Variants in CNPY1 observed in about 807,000 individuals in gnomAD.
CNPY1 encodes the protein canopy FGF signaling regulator 1, also known as protein canopy homolog 1.
Under a neutral mutation model 14.4 loss-of-function variants are expected in CNPY1, and 14 were observed. The observed-to-expected ratio is 0.97, with a 90% CI of 0.64 to 1.52. CNPY1 has a LOEUF of 1.52. Among genes scored for constraint, CNPY1 ranks in the 40% most tolerant of loss-of-function variants. The probability of loss-of-function intolerance (pLI) is 0.00; values close to 1 mark genes in which losing one functional copy is unlikely to be tolerated. For synonymous variants in CNPY1, 43 were observed against 46.5 expected (o/e 0.92, Z 0.31); for missense variants, 129 against 131.5 (o/e 0.98, Z 0.09).
intron 2 of CNPY1, among the ~76,000 whole-genome samples, chr7:155,545,160 G>T (rs1259835353): frequency 1.3e-5 from 2 of 152,212 alleles, no homozygotes; most frequent in Non-Finnish European, 2.9e-5. Context: ...GAGTGAGTTG[G>T]ATGATATTGG....
chr7:155,537,176 A>C (rs1230035793), intron 2 of CNPY1, among the ~76,000 whole-genome samples: 2 of 152,200 alleles, frequency 1.3e-5, no homozygotes, highest in African/African-American at 4.8e-5. Flanking sequence ...TCAGAAGAGC[A>C]GGTCCTTGGC....
At chr7:155,513,946 A>G (rs1036184363) in intron 2 of CNPY1, among the ~76,000 whole-genome samples, 4 of 152,236 alleles carry the variant, frequency 2.6e-5, no homozygotes, top group African/African-American at 2.4e-5. Context: ...AAGAAATACA[A>G]TCTGTCACAT....
chr7:155,542,081 C>T (rs752449523), intron 2 of CNPY1, among the ~76,000 whole-genome samples: 2 of 152,258 alleles, frequency 1.3e-5, no homozygotes, highest in South Asian at 2.1e-4. Context: ...TCCTAGAAGC[C>T]GGTGCAGAAC....
chr7:155,532,553 G>A (rs983532911), intron 2 of CNPY1, among the ~76,000 whole-genome samples: 17 of 151,928 alleles, frequency 1.1e-4, no homozygotes, highest in Non-Finnish European at 2.4e-4. Context: ...CCCGGGAGGC[G>A]GAGCTTGCAG....
At chr7:155,514,073 C>T (rs1315021826) in intron 2 of CNPY1, among the ~76,000 whole-genome samples, 1 of 152,200 alleles carries the variant, frequency 6.6e-6, no homozygotes, top group African/African-American at 2.4e-5. Context: ...CAGAGGGCTC[C>T]TACTGCTTTC....
intron 1 of CNPY1, 116 bp from the exon 2 acceptor site, chr7:155,546,059 C>T (rs1797153152): frequency 2.5e-6 from 1 of 397,956 alleles, no homozygotes. Flanking sequence ...CCGACGTGCC[C>T]AGGACCTGGG....
At chr7:155,535,120 A>C (rs1306233015) in intron 2 of CNPY1, among the ~76,000 whole-genome samples, 1 of 152,254 alleles carries the variant, frequency 6.6e-6, no homozygotes, top group African/African-American at 2.4e-5. Flanking sequence ...AAAACAAACA[A>C]GTGGCAAAAC....
intron 2 of CNPY1, among the ~76,000 whole-genome samples, chr7:155,524,411 A>G (rs1796782277): frequency 6.6e-6 from 1 of 152,244 alleles, no homozygotes; most frequent in Non-Finnish European, 1.5e-5. Context: ...GGTGAACAGC[A>G]GGCCAGTGAG....
At position 155,503,085 on chromosome 7, in the gene CNPY1, T is replaced by G. The variant is rs183641482; in HGVS notation, c.421A>C (p.Asn141His). Residue 141 changes from asparagine (N) to histidine (H), a missense_variant, in exon 5 of 5, where the codon AAT (asparagine) becomes CAT (histidine). Transcript: ENST00000636446. ...EKSDLCETSA[N>H]HTEL ...CGGCACTCCTAGAGCTCAGTATGAT[T>G]AGCAGAAGTTTCACACAGATCTGGA... The G allele has an allele frequency of 1.3e-4, 212 of 1,605,792 alleles. 2 individuals are homozygous for G. The East Asian group carries it at 3.9e-3, about 29-fold the overall frequency.
Position 155,545,861 on chromosome 7 carries a change from G to T in CNPY1, c.69C>A (p.Ile23=). 5.0e-6 allele frequency: 2 copies of T among 398,660 alleles called. No individual in the cohort carries two copies. The highest frequency in any genetic ancestry group is 8.8e-6 in the Non-Finnish European group (2 of 226,082). The allele number at this position is 398,660 out of a possible 1,614,324, so 24.7% of individuals were successfully genotyped here. The part of the protein sequence containing the change: ...QKKTKVGSFR[I]NPDGTQERRK... ...TCCTCTCCTGAGTCCCATCGGGATT[G>T]ATTCGGAAGGATCCCACCTTGGTCT... Residue 23 remains isoleucine (I), a synonymous_variant, in exon 2 of 5, where the codon ATC becomes ATA. Transcript: ENST00000636446.
At chr7:155,528,050 A>G (rs1402037080) in intron 2 of CNPY1, among the ~76,000 whole-genome samples, 1 of 152,192 alleles carries the variant, frequency 6.6e-6, no homozygotes, top group Non-Finnish European at 1.5e-5. Flanking sequence ...TTAATCCTGC[A>G]TCGTTGTAGA....
intron 2 of CNPY1, among the ~76,000 whole-genome samples, chr7:155,543,196 G>A (rs67067113): frequency 0.07 from 10,708 of 152,250 alleles, 487 homozygotes; most frequent in South Asian, 0.16. Context: ...TCTGTGGCCA[G>A]CCGGGCCGGG....
chr7:155,512,559 C>T (rs1228491229), intron 2 of CNPY1, among the ~76,000 whole-genome samples: 1 of 152,130 alleles, frequency 6.6e-6, no homozygotes, highest in Non-Finnish European at 1.5e-5. Flanking sequence ...AAGAGAAGAG[C>T]TAGGGAGTTT....
At chr7:155,531,875 G>T (rs1381852767) in intron 2 of CNPY1, among the ~76,000 whole-genome samples, 1 of 152,150 alleles carries the variant, frequency 6.6e-6, no homozygotes, top group Non-Finnish European at 1.5e-5. Context: ...AGCCACCTAA[G>T]CCCTGAGCCT....
In CNPY1 at chr7:155,509,049, C is replaced by A; in HGVS notation, c.148G>T (p.Val50Phe). The change falls in exon 3 of 5, where the codon GTC becomes TTC. Residue 50 changes from valine (V) to phenylalanine (F), a missense_variant. By Grantham distance (50) the Val-to-Phe change is conservative (BLOSUM62 -1). Transcript: ENST00000636446. ...TTGTAGTCGTTCATTCGCTCACAGA[C>A]TTTCTCCAAAAGATCCGTTAGGAAC... ...EAFLTDLLEK[V>F]CERMNDYKLE... The A allele has an allele frequency of 6.2e-7, 1 of 1,608,292 alleles. No homozygotes were observed. The highest frequency in any genetic ancestry group is 8.5e-7 in the Non-Finnish European group (1 of 1,178,470).
chr7:155,537,328 T>C (rs1166414539), intron 2 of CNPY1, among the ~76,000 whole-genome samples: 1 of 151,938 alleles, frequency 6.6e-6, no homozygotes, highest in Admixed American at 6.6e-5. Context: ...CATCGGTTCC[T>C]GAGGCTGCTC....
In CNPY1 at chr7:155,502,337, T is replaced by A. The variant is rs143133274; in HGVS notation, c.*731A>T. The A allele has an allele frequency of 3.0e-4, 45 of 152,254 alleles. No homozygotes were observed. Among genetic ancestry groups the A allele is most frequent in the African/African-American group, 1.1e-3 (44 of 41,548 alleles). 9.4% of individuals were successfully genotyped at this position (152,254 alleles called of 1,614,324 possible). ...GAAAAACAAACAAGCCAGAAGAGTT[T>A]GGAGCGAAACAAAACGCAATCACTA... On this transcript the variant is annotated 3_prime_UTR_variant, in exon 5 of 5. Transcript: ENST00000636446.
intron 2 of CNPY1, among the ~76,000 whole-genome samples, chr7:155,532,163 T>C (rs1020136734): frequency 6.6e-6 from 1 of 152,214 alleles, no homozygotes; most frequent in African/African-American, 2.4e-5. Context: ...TTCTGAAAAT[T>C]CAGCGTGATT....
chr7:155,525,891 C>A (rs2116726655), intron 2 of CNPY1, among the ~76,000 whole-genome samples: 1 of 152,288 alleles, frequency 6.6e-6, no homozygotes, highest in East Asian at 1.9e-4. Context: ...AGAGTCGTCA[C>A]AAAATATCAG....
Sources: gnomAD v4.1 joint callset for allele counts (sites outside exome capture counted in the v4.1 genomes callset) on GRCh38, gnomAD v4.1.1 for gene constraint, MANE v1.5 for transcripts, NCBI Gene and HGNC (gene_info 2026-07-23, HGNC 2026-07-21) for gene names.